The following MBNL2 variants were observed in gnomAD, a reference collection of about 807,000 sequenced individuals.
MBNL2 encodes the protein muscleblind-like protein 2.
In MBNL2, 17 loss-of-function variants were observed where a neutral mutation model predicts 41.9. The ratio of observed to expected loss-of-function variants is 0.41; its 90% CI spans 0.28 to 0.61. The LOEUF (loss-of-function observed/expected upper bound fraction) is 0.61, where lower values mean the gene tolerates loss of function less well. Among genes scored for constraint, MBNL2 ranks in the 20% least tolerant of loss-of-function variants. The pLI is 0.35. For synonymous variants in MBNL2, 195 were observed against 182.9 expected (o/e 1.07, Z -0.53); for missense variants, 336 against 505.6 (o/e 0.66, Z 3.22).
At position 97,366,370 on chromosome 13, in the gene MBNL2, C is replaced by T. The variant is rs999422403; in HGVS notation, c.1048+1199C>T. On this transcript the variant is annotated intron_variant, in intron 8 of 8. Transcript: ENST00000679496. This position sits in a 1 kb window ranked among gnomAD's most constrained non-coding sequence, Gnocchi z 4.7. ...TGGTTTAACCCATGATGGCTTGCTG[C>T]TCTGATATTCACCATGCCAAAATAC... 2 of 685,118 alleles carry T rather than the reference C, an allele frequency of 2.9e-6. No homozygotes were observed. Among genetic ancestry groups the T allele is most frequent in the Non-Finnish European group, 5.3e-6 (2 of 378,142 alleles). The allele number at this position is 685,118 out of a possible 1,614,324, so 42.4% of individuals were successfully genotyped here.
At chr13:97,382,562 G>A (rs189623722) in intron 8 of MBNL2, among the ~76,000 whole-genome samples, 49 of 152,290 alleles carry the variant, frequency 3.2e-4, no homozygotes, top group Admixed American at 1.7e-3. Flanking sequence ...ACAAATGTTG[G>A]GTAAGGAATA....
chr13:97,302,644 G>C (rs2057741228), intron 2 of MBNL2, among the ~76,000 whole-genome samples: 1 of 152,228 alleles, frequency 6.6e-6, no homozygotes, highest in South Asian at 2.1e-4. Flanking sequence ...GCAGAGTTGA[G>C]TTTGATCCTG....
At chr13:97,180,061 T>C in the MBNL2 span, among the ~76,000 whole-genome samples, 3 of 152,222 alleles carry the variant, frequency 2.0e-5, no homozygotes, top group Non-Finnish European at 4.4e-5. Context: ...AAACCAGTTA[T>C]GAATTGTGCA....
chr13:97,352,042 AAATAAATAAATAAATAAAT>A (rs2062535251), intron 5 of MBNL2, among the ~76,000 whole-genome samples: 1 of 73,528 alleles, frequency 1.4e-5, no homozygotes, highest in Non-Finnish European at 2.2e-5. Flanking sequence ...AAATATAAAT[AAATAAATAAATAAATAAAT>A]AATAAATAAA....
rs200979242 is a variant in MBNL2 at position 97,229,549 on chromosome 13, T to TA, written c.-605+7027dup. On this transcript the variant is annotated intron_variant, in intron 1 of 8. Coordinates refer to ENST00000679496, the MANE Select transcript of MBNL2 (RefSeq NM_001382683.1). ...CCATCCTTAGTGGTTGTTTCTGATC[T>TA]AAAAAAAAACATTCTGATAAGAATG... 3.4e-3 allele frequency among the ~76,000 whole-genome samples: 520 copies of TA among 151,148 alleles called. 4 individuals are homozygous for TA. The highest frequency in any genetic ancestry group is 0.019 in the South Asian group (89 of 4,784).
the MBNL2 span, among the ~76,000 whole-genome samples, chr13:97,203,902 A>G: frequency 6.6e-6 from 1 of 152,002 alleles, no homozygotes; most frequent in Non-Finnish European, 1.5e-5. Flanking sequence ...GGATGGATGG[A>G]TGGATGGATG....
intron 7 of MBNL2, among the ~76,000 whole-genome samples, chr13:97,359,380 A>G (rs1431477316): frequency 6.6e-6 from 1 of 152,178 alleles, no homozygotes; most frequent in African/African-American, 2.4e-5. Context: ...GGGAATACCT[A>G]TGAAGCTCTG....
intron 8 of MBNL2, among the ~76,000 whole-genome samples, chr13:97,384,847 G>A (rs2065798263): frequency 6.6e-6 from 1 of 152,080 alleles, no homozygotes; most frequent in Non-Finnish European, 1.5e-5. Context: ...AAGTCTAGAA[G>A]GTTACTTTAG....
chr13:97,255,211 C>T (rs963116447), intron 1 of MBNL2, among the ~76,000 whole-genome samples: 1 of 152,168 alleles, frequency 6.6e-6, no homozygotes, highest in African/African-American at 2.4e-5. Flanking sequence ...TAGAGCAGAG[C>T]AGAGTTAGAA....
chr13:97,166,326 T>C, the MBNL2 span, among the ~76,000 whole-genome samples: 1 of 152,222 alleles, frequency 6.6e-6, no homozygotes, highest in Admixed American at 6.5e-5. Context: ...CCTTTATCTT[T>C]ACCTTAGTAT....
At chr13:97,188,430 G>A in the MBNL2 span, among the ~76,000 whole-genome samples, 1,186 of 152,142 alleles carry the variant, frequency 7.8e-3, 14 homozygotes, top group East Asian at 0.035. Flanking sequence ...GAGATACACC[G>A]GCTCTCCTTT....
At chr13:97,362,555 A>G (rs1177408934) in intron 7 of MBNL2, among the ~76,000 whole-genome samples, 2 of 152,170 alleles carry the variant, frequency 1.3e-5, no homozygotes, top group Non-Finnish European at 2.9e-5. Context: ...GAAAAGAAAA[A>G]TTAATCTGTC....
intron 2 of MBNL2, among the ~76,000 whole-genome samples, chr13:97,313,231 G>T (rs2058756916): frequency 6.6e-6 from 1 of 152,186 alleles, no homozygotes; most frequent in African/African-American, 2.4e-5. Flanking sequence ...CAGGATAAAG[G>T]CAGGTCCAAG....
chr13:97,194,828 T>C, the MBNL2 span, among the ~76,000 whole-genome samples: 101 of 152,320 alleles, frequency 6.6e-4, 1 homozygote, highest in Non-Finnish European at 1.3e-3. Flanking sequence ...ACAAATTCCA[T>C]GGCAATGCCC....
chr13:97,322,741 T>A (rs1360140390), intron 2 of MBNL2, among the ~76,000 whole-genome samples: 1 of 152,160 alleles, frequency 6.6e-6, no homozygotes, highest in Non-Finnish European at 1.5e-5. Context: ...CCTGTCTCCA[T>A]AGGCACACAA....
intron 2 of MBNL2, among the ~76,000 whole-genome samples, chr13:97,290,682 CAAAAAAAA>C (rs144219795): frequency 2.6e-5 from 3 of 114,928 alleles, no homozygotes; most frequent in Non-Finnish European, 5.5e-5. Context: ...GACTCCGTCT[CAAAAAAAA>C]AAAAAAAAAA....
At chr13:97,280,157 G>C (rs1158696786) in intron 2 of MBNL2, among the ~76,000 whole-genome samples, 1 of 152,154 alleles carries the variant, frequency 6.6e-6, no homozygotes, top group Non-Finnish European at 1.5e-5. Flanking sequence ...CCGTGTCTCT[G>C]ATGCTTTTAC....
intron 2 of MBNL2, among the ~76,000 whole-genome samples, chr13:97,290,021 C>T (rs564146417): frequency 2.0e-5 from 3 of 152,136 alleles, no homozygotes; most frequent in Non-Finnish European, 4.4e-5. Context: ...TAACTGCAAT[C>T]AGTCAAATAT....
chr13:97,146,966 T>C, the MBNL2 span, among the ~76,000 whole-genome samples: 1 of 152,350 alleles, frequency 6.6e-6, no homozygotes, highest in Admixed American at 6.5e-5. Context: ...ACAGCAGACC[T>C]CTTTTTGTTT....
Sources: allele counts gnomAD v4.1 joint callset (sites outside exome capture counted in the v4.1 genomes callset), GRCh38; gene constraint gnomAD v4.1.1; non-coding constraint Gnocchi (gnomAD v3.1); transcripts MANE v1.5; gene names NCBI Gene and HGNC (gene_info 2026-07-23, HGNC 2026-07-21).